ZFP90: variants seen among roughly 807,000 people sequenced by gnomAD.
The protein encoded by ZFP90 is ZFP90 zinc finger protein, also known as zinc finger protein 90 homolog.
In ZFP90, 38 loss-of-function variants were observed where a neutral mutation model predicts 60.8. The observed-to-expected ratio is 0.62, with a 90% CI of 0.48 to 0.82. The LOEUF (loss-of-function observed/expected upper bound fraction) is 0.82, where lower values mean the gene tolerates loss of function less well. Among genes scored for constraint, ZFP90 ranks in the 40% least tolerant of loss-of-function variants. The pLI is 0.00. For missense variants in ZFP90, 711 were observed against 759.1 expected (o/e 0.94, Z 0.74); for synonymous variants, 287 against 264.8 (o/e 1.08, Z -0.82).
Position 68,566,911 on chromosome 16 carries a change from T to G in ZFP90, c.*2213T>G. 1 of 985,586 alleles carries G rather than the reference T, an allele frequency of 1.0e-6. No homozygotes were observed. Among genetic ancestry groups the G allele is most frequent in the Non-Finnish European group, 1.2e-6 (1 of 829,978 alleles). The allele number at this position is 985,586 out of a possible 1,614,324, so 61.1% of individuals were successfully genotyped here. A position where few individuals can be genotyped will look rare whatever the true frequency, so the allele number is the denominator to read the frequency against. On this transcript the variant is annotated 3_prime_UTR_variant, in exon 5 of 5. Coordinates refer to ENST00000563169, the MANE Select transcript of ZFP90 (RefSeq NM_001305203.2). Reference sequence around the variant, plus strand: ...ACCCAAAGGAGAGTACTGGTTTGTGTTTGGTGCTTGGCCTAGATCCAGCCA... The same window carrying G: ...ACCCAAAGGAGAGTACTGGTTTGTGGTTGGTGCTTGGCCTAGATCCAGCCA...
In ZFP90 at chr16:68,565,090, C is replaced by T; in HGVS notation, c.*392C>T. On this transcript the variant is annotated 3_prime_UTR_variant, in exon 5 of 5. Transcript: ENST00000563169. ...TTTTAAAAATTGCTTGACAACTGCA[C>T]TCAACTGCAGCTCTTACATTAACTT... 1.0e-6 allele frequency: 1 copy of T among 996,208 alleles called. No homozygotes were observed. Among genetic ancestry groups the T allele is most frequent in the South Asian group, 4.5e-5 (1 of 22,154 alleles). 61.7% of individuals were successfully genotyped at this position (996,208 alleles called of 1,614,324 possible).
In ZFP90 at chr16:68,565,302, G is replaced by T. The variant is rs1020868328; in HGVS notation, c.*604G>T. 2.0e-6 allele frequency: 2 copies of T among 985,516 alleles called. No homozygotes were observed. Among genetic ancestry groups the T allele is most frequent in the Non-Finnish European group, 2.4e-6 (2 of 829,946 alleles). 61.0% of individuals were successfully genotyped at this position (985,516 alleles called of 1,614,324 possible). ...GGTTTCCTGGATTTGGGGCCCCATGGCCTTGCCAGTGAAAAGGTTATTTTT... is the reference window on the plus strand; with the variant it reads ...GGTTTCCTGGATTTGGGGCCCCATGTCCTTGCCAGTGAAAAGGTTATTTTT... On this transcript the variant is annotated 3_prime_UTR_variant, in exon 5 of 5. Coordinates refer to ENST00000563169, the MANE Select transcript of ZFP90 (RefSeq NM_001305203.2).
chr16:68,550,579 C>T lies in ZFP90; in HGVS notation c.34-7419C>T, dbSNP rs148434131. ...TGTGTATTTTGCTTAATCACACATG[C>T]CCATTTGGACTAGCTACATTGCAAG... On this transcript the variant is annotated intron_variant, in intron 2 of 4. Transcript: ENST00000563169. 6.8e-4 allele frequency among the ~76,000 whole-genome samples: 103 copies of T among 152,302 alleles called. 1 individual carries two copies. The highest frequency in any genetic ancestry group is 6.8e-3 in the Middle Eastern group (2 of 294).
intron 1 of ZFP90, 112 bp from the exon 2 acceptor site, chr16:68,539,646 C>G: frequency 2.3e-6 from 2 of 869,894 alleles, no homozygotes; most frequent in East Asian, 6.2e-5. Context: ...GTTCCACGGT[C>G]CTCGCCACCA....
At chr16:68,558,626 A>AGG in intron 4 of ZFP90, 58 bp downstream of exon 4, 1 of 1,486,898 alleles carries the variant, frequency 6.7e-7, no homozygotes. Context: ...CAACTTAGGG[A>AGG]GGGGGAGATA....
At chr16:68,573,272 GC>G (rs1004403337) in intron 2 of ZFP90, among the ~76,000 whole-genome samples, 1 of 152,190 alleles carries the variant, frequency 6.6e-6, no homozygotes, top group African/African-American at 2.4e-5. Flanking sequence ...AAACTAGGCT[GC>G]CCTGCTGTGA....
chr16:68,564,727 T>A lies in ZFP90; in HGVS notation c.*29T>A, dbSNP rs1567412607. 1.9e-6 allele frequency: 3 copies of A among 1,567,624 alleles called. No individual in the cohort carries two copies. The South Asian group carries it at 3.6e-5, about 19-fold the overall frequency. Reference sequence around the variant, plus strand: ...CCGTGAAATTAAGGAATTTGCAGAATGCTTTAGCTAAAATGTTCTGATTCA... The same window carrying A: ...CCGTGAAATTAAGGAATTTGCAGAAAGCTTTAGCTAAAATGTTCTGATTCA... On this transcript the variant is annotated 3_prime_UTR_variant, in exon 5 of 5. Transcript: ENST00000563169.
chr16:68,570,654 T>G (rs2091562824), downstream of ZFP90, among the ~76,000 whole-genome samples: 1 of 152,268 alleles, frequency 6.6e-6, no homozygotes, highest in Non-Finnish European at 1.5e-5. Context: ...TTCAGCACTG[T>G]CTGCTGGTTC....
upstream of ZFP90, among the ~76,000 whole-genome samples, chr16:68,536,274 G>A (rs1392403318): frequency 2.0e-5 from 3 of 152,056 alleles, no homozygotes; most frequent in South Asian, 2.1e-4. Context: ...GCTGCCTTCC[G>A]CACTAGGTGG....
chr16:68,557,920 T>TC (rs1959362941), intron 2 of ZFP90, 78 bp from the exon 3 acceptor site: 1 of 1,586,996 alleles, frequency 6.3e-7, no homozygotes, highest in Non-Finnish European at 8.6e-7. Context: ...TTCTGATAGC[T>TC]CCTGCAGTAT....
upstream of ZFP90, chr16:68,535,442 C>T (rs1040851091): frequency 6.6e-6 from 1 of 152,102 alleles, no homozygotes; most frequent in Non-Finnish European, 1.5e-5. Context: ...CTATTAGATA[C>T]CCTGCTTTGG....
chr16:68,569,944 C>T (rs1270164393), downstream of ZFP90, among the ~76,000 whole-genome samples: 2 of 152,042 alleles, frequency 1.3e-5, no homozygotes, highest in African/African-American at 2.4e-5. Context: ...ATAATTCCTA[C>T]AGTTGTTCTC....
In ZFP90 at chr16:68,565,817, G is replaced by C; in HGVS notation, c.*1119G>C. On this transcript the variant is annotated 3_prime_UTR_variant, in exon 5 of 5. Transcript: ENST00000563169. ...TGGCTCATTTTATGTGCAAAGAAAA[G>C]ATTTCACCATTAAAAAAATTAACTT... The C allele has an allele frequency of 2.0e-6, 2 of 985,322 alleles. No individual in the cohort carries two copies. The highest frequency in any genetic ancestry group is 2.4e-6 in the Non-Finnish European group (2 of 829,900). 61.0% of individuals were successfully genotyped at this position (985,322 alleles called of 1,614,324 possible).
downstream of ZFP90, among the ~76,000 whole-genome samples, chr16:68,571,923 A>C (rs1489880294): frequency 2.0e-5 from 3 of 152,232 alleles, no homozygotes; most frequent in African/African-American, 7.2e-5. Context: ...GCAGATGAGG[A>C]GCATGAGTGA....
intron 2 of ZFP90, among the ~76,000 whole-genome samples, chr16:68,548,183 G>A (rs1473176317): frequency 6.6e-6 from 1 of 152,118 alleles, no homozygotes; most frequent in African/African-American, 2.4e-5. Flanking sequence ...CAGAGAGAAA[G>A]CACTCTCTTG....
intron 2 of ZFP90, among the ~76,000 whole-genome samples, chr16:68,550,645 A>G (rs1389924423): frequency 6.6e-6 from 1 of 152,182 alleles, no homozygotes; most frequent in African/African-American, 2.4e-5. Context: ...TTTTCCTCCT[A>G]GCATTTAAAA....
rs978135888 is a variant in ZFP90 at position 68,565,579 on chromosome 16, A to G, written c.*881A>G. The G allele has an allele frequency of 1.0e-6, 1 of 985,362 alleles. No homozygotes were observed. Among genetic ancestry groups the G allele is most frequent in the African/African-American group, 1.7e-5 (1 of 57,238 alleles). 61.0% of individuals were successfully genotyped at this position (985,362 alleles called of 1,614,324 possible). A position where few individuals can be genotyped will look rare whatever the true frequency, so the allele number is the denominator to read the frequency against. On this transcript the variant is annotated 3_prime_UTR_variant, in exon 5 of 5. Coordinates refer to ENST00000563169, the MANE Select transcript of ZFP90 (RefSeq NM_001305203.2). ...AGTTACAATTATACTTTCAGCTAAC[A>G]TATGCCAGTTTCACAGAACTATTAA...
At chr16:68,570,938 C>T (rs2091564667), downstream of ZFP90, among the ~76,000 whole-genome samples, 1 of 152,184 alleles carries the variant, frequency 6.6e-6, no homozygotes, top group Admixed American at 6.6e-5. Flanking sequence ...GCAAAGCAAC[C>T]CTCAGATGCT....
chr16:68,566,791 C>T lies in ZFP90; in HGVS notation c.*2093C>T, dbSNP rs2091535197. On this transcript the variant is annotated 3_prime_UTR_variant, in exon 5 of 5. Coordinates refer to ENST00000563169, the MANE Select transcript of ZFP90 (RefSeq NM_001305203.2). ...TTATGCTACTGGTTGTTTGGGGATC[C>T]CCATAGTGGACTACTTTCAGGAATG... The T allele has an allele frequency of 1.0e-6, 1 of 985,520 alleles. No homozygotes were observed. 61.0% of individuals were successfully genotyped at this position (985,520 alleles called of 1,614,324 possible). A position where few individuals can be genotyped will look rare whatever the true frequency, so the allele number is the denominator to read the frequency against.
Sources: gnomAD v4.1 joint callset for allele counts (sites outside exome capture counted in the v4.1 genomes callset) on GRCh38, gnomAD v4.1.1 for gene constraint, MANE v1.5 for transcripts, NCBI Gene and HGNC (gene_info 2026-07-23, HGNC 2026-07-21) for gene names.